SLMAP: variants seen among roughly 807,000 people sequenced by gnomAD.
The protein encoded by SLMAP is sarcolemma associated protein.
A neutral mutation model predicts 128.8 loss-of-function variants in SLMAP; 44 were observed. The ratio of observed to expected loss-of-function variants is 0.34; its 90% CI spans 0.27 to 0.44. The LOEUF is 0.44. SLMAP is among the 20% of genes least tolerant of loss of function. SLMAP has a pLI of 1.00. For synonymous variants in SLMAP, 327 were observed against 348.8 expected (o/e 0.94, Z 0.70); for missense variants, 787 against 985.3 (o/e 0.80, Z 2.69).
chr3:57,810,170 C>T (rs144790427), intron 2 of SLMAP, among the ~76,000 whole-genome samples: 1 of 152,272 alleles, frequency 6.6e-6, no homozygotes, highest in East Asian at 1.9e-4. Context: ...CTGATCTAGC[C>T]ACAGCCTTAC....
At chr3:57,858,912 A>T (rs1006290088) in intron 8 of SLMAP, among the ~76,000 whole-genome samples, 1 of 152,150 alleles carries the variant, frequency 6.6e-6, no homozygotes, top group African/African-American at 2.4e-5. Context: ...ATTGCAATGT[A>T]GCCTGGGCAA....
At chr3:57,803,827 G>A in intron 2 of SLMAP, among the ~76,000 whole-genome samples, 1 of 152,132 alleles carries the variant, frequency 6.6e-6, no homozygotes, top group East Asian at 1.9e-4. Flanking sequence ...TTAATCCAAT[G>A]ACTCACACCT....
At chr3:57,799,739 C>T (rs2153489595) in intron 2 of SLMAP, among the ~76,000 whole-genome samples, 1 of 152,234 alleles carries the variant, frequency 6.6e-6, no homozygotes, top group South Asian at 2.1e-4. Flanking sequence ...CTTTGGAACT[C>T]ATTAAATTTT....
Position 57,877,831 on chromosome 3 carries a change from C to CTTTT in SLMAP, c.1300+6152_1300+6155dup, listed in dbSNP as rs57685937. ...TTGAATTCTAAATGCTTTTTTCCTT[C>CTTTT]TTTTTTTTTTTTTTTTTTTTTTAAA... On this transcript the variant is annotated intron_variant, in intron 14 of 24. Coordinates refer to ENST00000671191, the MANE Select transcript of SLMAP (RefSeq NM_001377540.1). 8.9e-4 allele frequency among the ~76,000 whole-genome samples: 99 copies of CTTTT among 111,606 alleles called. 3 individuals are homozygous for CTTTT. Among genetic ancestry groups the CTTTT allele is most frequent in the South Asian group, 3.3e-3 (11 of 3,292 alleles). 73.2% of individuals were successfully genotyped at this position (111,606 alleles called of 152,430 possible).
intron 13 of SLMAP, among the ~76,000 whole-genome samples, chr3:57,869,710 C>G (rs2095437403): frequency 1.5e-5 from 2 of 136,824 alleles, no homozygotes; most frequent in African/African-American, 5.4e-5. Flanking sequence ...CTACAGCATC[C>G]AAAATATTTC....
intron 2 of SLMAP, among the ~76,000 whole-genome samples, chr3:57,799,496 G>A (rs2087655799): frequency 6.6e-6 from 1 of 152,164 alleles, no homozygotes; most frequent in Admixed American, 6.5e-5. Flanking sequence ...TTTGGGTCCT[G>A]TTAATTACTT....
Position 57,831,512 on chromosome 3 carries a change from A to G in SLMAP, c.328A>G (p.Thr110Ala). ...GDIIQFGVDV[T>A]ENTRKVTHGC... The stretch of plus-strand genomic sequence containing the variant: ...CATTATCCAGTTTGGAGTAGACGTG[A>G]CAGAGAATACACGGAAAGGTACGGG... The change falls in exon 3 of 25, where the codon ACA becomes GCA. Residue 110 changes from threonine (T) to alanine (A), a missense_variant. Around this residue, in one of 2 missense-constraint regions of SLMAP, gnomAD observed 715 missense variants for 843.6 expected, o/e 0.85. Coordinates refer to ENST00000671191, the MANE Select transcript of SLMAP (RefSeq NM_001377540.1). 4 of 1,565,738 alleles carry G rather than the reference A, an allele frequency of 2.6e-6. No homozygotes were observed. Among genetic ancestry groups the G allele is most frequent in the Non-Finnish European group, 3.5e-6 (4 of 1,156,122 alleles).
At chr3:57,925,336 T>TC (rs1576510695) in intron 23 of SLMAP, among the ~76,000 whole-genome samples, 73 of 69,986 alleles carry the variant, frequency 1.0e-3, no homozygotes, top group East Asian at 2.1e-3. Flanking sequence ...TTCTTTCTCT[T>TC]TTTTTTTTTT....
intron 8 of SLMAP, among the ~76,000 whole-genome samples, chr3:57,860,270 C>T (rs2094984155): frequency 6.6e-6 from 1 of 152,146 alleles, no homozygotes; most frequent in Non-Finnish European, 1.5e-5. Context: ...TCATTTTGTA[C>T]TTTTCCTGCC....
At chr3:57,913,032 T>C in intron 20 of SLMAP, 126 bp from the exon 21 acceptor site, 3 of 551,156 alleles carry the variant, frequency 5.4e-6, no homozygotes, top group South Asian at 6.8e-5. Context: ...TAATTAACCA[T>C]GTAAAATCTA....
intron 11 of SLMAP, 32 bp from the exon 12 acceptor site, chr3:57,864,773 AAT>A (rs1445002609): frequency 1.3e-6 from 2 of 1,557,018 alleles, no homozygotes; most frequent in South Asian, 1.2e-5. Context: ...TTATCTGTGA[AAT>A]ATCTTTTTTT....
chr3:57,876,531 A>ATC (rs2095607375), intron 14 of SLMAP, among the ~76,000 whole-genome samples: 1 of 152,250 alleles, frequency 6.6e-6, no homozygotes, highest in African/African-American at 2.4e-5. Flanking sequence ...AACTTGCTAA[A>ATC]AAAAGCTTCA....
At chr3:57,904,699 C>T (rs9811472) in intron 17 of SLMAP, among the ~76,000 whole-genome samples, 46,633 of 151,886 alleles carry the variant, frequency 0.31, 7,503 homozygotes, top group East Asian at 0.48. Flanking sequence ...CCCAGGAGTT[C>T]GAGTTTATCT....
chr3:57,800,755 C>T (rs1381579676), intron 2 of SLMAP: 2 of 163,408 alleles, frequency 1.2e-5, no homozygotes, highest in African/African-American at 4.8e-5. Context: ...GTGCTGCTGT[C>T]TCAACAGATG....
chr3:57,824,601 GATCTTTAT>G (rs1458544635), intron 2 of SLMAP, among the ~76,000 whole-genome samples: 1 of 152,100 alleles, frequency 6.6e-6, no homozygotes, highest in Non-Finnish European at 1.5e-5. Context: ...CTATTCCATT[GATCTTTAT>G]ATCTGTCCGT....
chr3:57,790,944 A>ATGTAT (rs1369688383), intron 2 of SLMAP, among the ~76,000 whole-genome samples: 2 of 152,238 alleles, frequency 1.3e-5, no homozygotes, highest in Admixed American at 1.3e-4. Flanking sequence ...TGAAATATAT[A>ATGTAT]TGTATTAGAT....
chr3:57,909,674 G>A (rs1436974747), intron 19 of SLMAP, among the ~76,000 whole-genome samples: 4 of 151,732 alleles, frequency 2.6e-5, no homozygotes, highest in East Asian at 3.9e-4. Flanking sequence ...GTACAATGGC[G>A]CGGTCTCACC....
At chr3:57,908,451 G>A (rs2096618649) in intron 18 of SLMAP, among the ~76,000 whole-genome samples, 1 of 152,164 alleles carries the variant, frequency 6.6e-6, no homozygotes, top group Non-Finnish European at 1.5e-5. Flanking sequence ...CCTGGTTGCA[G>A]ACAATTAGTA....
At chr3:57,874,285 C>T (rs1384396866) in intron 14 of SLMAP, among the ~76,000 whole-genome samples, 3 of 152,082 alleles carry the variant, frequency 2.0e-5, no homozygotes, top group Non-Finnish European at 2.9e-5. Flanking sequence ...GAGCAAATCC[C>T]CGTCTCTAAA....
Sources: gnomAD v4.1 joint callset for allele counts (sites outside exome capture counted in the v4.1 genomes callset) on GRCh38, gnomAD v4.1.1 for gene constraint, gnomAD v4.1.1 regional missense constraint, MANE v1.5 for transcripts, NCBI Gene and HGNC (gene_info 2026-07-23, HGNC 2026-07-21) for gene names.